The following EEA1 variants were observed in gnomAD, a reference collection of about 807,000 sequenced individuals.
EEA1 encodes early endosome antigen 1.
Under a neutral mutation model 209.2 loss-of-function variants are expected in EEA1, and 111 were observed. That is an observed-to-expected ratio of 0.53 (90% CI 0.45 to 0.62). The LOEUF is 0.62. Ranked by LOEUF, EEA1 falls within the 20% of genes least tolerant of loss-of-function variation. EEA1 has a pLI of 0.00. For synonymous variants in EEA1, 536 were observed against 540.6 expected, an observed-to-expected ratio of 0.99 and a Z score of 0.12; for missense variants, 1,343 against 1,530.8, an observed-to-expected ratio of 0.88 and a Z score of 2.05.
intron 11 of EEA1, among the ~76,000 whole-genome samples, chr12:92,831,963 T>C (rs1386714733): frequency 1.3e-5 from 2 of 150,926 alleles, no homozygotes; most frequent in Non-Finnish European, 1.5e-5. Context: ...GGCGGGCGCC[T>C]GTAGTCCCAG....
At chr12:92,783,043 T>C (rs1208920546) in intron 22 of EEA1, among the ~76,000 whole-genome samples, 1 of 152,226 alleles carries the variant, frequency 6.6e-6, no homozygotes, top group African/African-American at 2.4e-5. Context: ...TCCTTTATAA[T>C]AAATCAGTAA....
intron 1 of EEA1, among the ~76,000 whole-genome samples, chr12:92,894,318 T>C (rs777315473): frequency 3.9e-5 from 6 of 152,148 alleles, no homozygotes; most frequent in Non-Finnish European, 8.8e-5. Context: ...AATAACCCTA[T>C]AATGGCCTCT....
intron 1 of EEA1, among the ~76,000 whole-genome samples, chr12:92,910,975 T>C (rs755634017): frequency 2.0e-4 from 30 of 152,130 alleles, no homozygotes; most frequent in Non-Finnish European, 4.3e-4. Context: ...TCCAGAACAC[T>C]ACCACCATCA....
chr12:92,804,332 G>A (rs1480841315), intron 18 of EEA1, among the ~76,000 whole-genome samples: 1 of 152,104 alleles, frequency 6.6e-6, no homozygotes, highest in African/African-American at 2.4e-5. Context: ...CAGCACTGTG[G>A]GAGGCCAAGG....
In EEA1 at chr12:92,802,449, T is replaced by A; in HGVS notation, c.2625A>T (p.Glu875Asp). 2 of 1,579,892 alleles carry A rather than the reference T, an allele frequency of 1.3e-6. No homozygotes were observed. Among genetic ancestry groups the A allele is most frequent in the Non-Finnish European group, 1.7e-6 (2 of 1,171,662 alleles). The change falls in exon 19 of 29, where the codon GAA becomes GAT. Residue 875 changes from glutamate (E) to aspartate (D), a missense_variant. Glu to Asp is a conservative substitution (Grantham distance 45, BLOSUM62 2). Transcript: ENST00000322349. ...VSDSLKNSKS[E>D]FEKENQKGKA... is the part of the protein sequence containing the mutation. ...TTCCTTTCTGATTCTCCTTTTCAAA[T>A]TCACTTTTAGAGTTTTTCAAAGAAT...
In EEA1 at chr12:92,776,065, G is replaced by A. The variant is rs1565802905; in HGVS notation, c.4182C>T (p.Ser1394=). 1 of 1,611,598 alleles carries A rather than the reference G, an allele frequency of 6.2e-7. No individual in the cohort carries two copies. The change falls in exon 29 of 29, where the codon TCC becomes TCT. Residue 1394 remains serine (S), a synonymous_variant. Transcript: ENST00000322349. ...CACAGACACGAACAGGCTTCTTGGA[G>A]GAAGGAGTTAAGGCATTTTTGGCTG... ...ECSAKNALTP[S]SKKPVRVCDA...
At chr12:92,818,455 C>CTA (rs1001156629) in intron 14 of EEA1, among the ~76,000 whole-genome samples, 2 of 152,192 alleles carry the variant, frequency 1.3e-5, no homozygotes, top group African/African-American at 4.8e-5. Flanking sequence ...TAGGTATTAA[C>CTA]TATCCCAATA....
chr12:92,895,133 A>ATTT (rs537064468), intron 1 of EEA1, among the ~76,000 whole-genome samples: 45 of 95,118 alleles, frequency 4.7e-4, no homozygotes, highest in Non-Finnish European at 6.5e-4. Context: ...GGATCACTGA[A>ATTT]TTTTTTTTTT....
At chr12:92,838,968 C>T (rs576212116) in intron 10 of EEA1, among the ~76,000 whole-genome samples, 109 of 151,896 alleles carry the variant, frequency 7.2e-4, no homozygotes, top group Admixed American at 3.5e-3. Context: ...TATTAATATT[C>T]GGACTTGAGT....
chr12:92,891,642 T>C lies in EEA1; in HGVS notation c.104A>G (p.Glu35Gly). 6.2e-7 allele frequency: 1 copy of C among 1,602,602 alleles called. No homozygotes were observed. The highest frequency in any genetic ancestry group is 8.5e-7 in the Non-Finnish European group (1 of 1,175,884). The change falls in exon 2 of 29, where the codon GAA (glutamate) becomes GGA (glycine). Residue 35 changes from glutamate to glycine, a missense_variant. Glu to Gly is a moderately conservative substitution (Grantham distance 98, BLOSUM62 -2). This residue lies in a region of EEA1 where 1,307 missense variants were observed against 1,465.5 expected (regional missense o/e 0.89). Coordinates refer to ENST00000322349, the MANE Select transcript of EEA1 (RefSeq NM_003566.4). ...TPINTVDVNNESSSEGFICPQ... is the reference protein window; with the variant it reads ...TPINTVDVNNGSSSEGFICPQ... ...TTATTTTCATACCTCTGAAGAGCTT[T>C]CATTATTGACGTCCACTGTGTTTAT... is the stretch of plus-strand genomic sequence containing the variant.
At chr12:92,878,129 A>G (rs891987110) in intron 2 of EEA1, among the ~76,000 whole-genome samples, 1 of 152,166 alleles carries the variant, frequency 6.6e-6, no homozygotes, top group Admixed American at 6.5e-5. Context: ...GACCAGGCAC[A>G]GTGGCTCACA....
At chr12:92,861,164 T>C (rs1431154938) in intron 3 of EEA1, among the ~76,000 whole-genome samples, 3 of 152,140 alleles carry the variant, frequency 2.0e-5, no homozygotes, top group Non-Finnish European at 4.4e-5. Context: ...TTATAAAGAA[T>C]TATTATTCTG....
At chr12:92,796,150 T>C (rs940058209) in intron 21 of EEA1, among the ~76,000 whole-genome samples, 3 of 152,154 alleles carry the variant, frequency 2.0e-5, no homozygotes, top group Non-Finnish European at 4.4e-5. Flanking sequence ...AGTTTTCTTT[T>C]GCTTTACATT....
intron 13 of EEA1, among the ~76,000 whole-genome samples, chr12:92,820,540 T>G (rs1385879497): frequency 2.0e-5 from 3 of 151,972 alleles, no homozygotes; most frequent in Non-Finnish European, 2.9e-5. Flanking sequence ...GGCCTAAGCT[T>G]CTTTCCATAA....
At chr12:92,828,176 C>T (rs190652807) in intron 11 of EEA1, 115 bp from the exon 12 acceptor site, 14,481 of 823,010 alleles carry the variant, frequency 0.018, 168 homozygotes, top group Non-Finnish European at 0.021. Context: ...TCTTAATTTT[C>T]GTGATACTTT....
chr12:92,901,130 GTTTCC>G (rs1880124307), intron 1 of EEA1, among the ~76,000 whole-genome samples: 1 of 152,192 alleles, frequency 6.6e-6, no homozygotes, highest in Non-Finnish European at 1.5e-5. Context: ...CCTCATTTCT[GTTTCC>G]TTTATTTTTC....
intron 1 of EEA1, among the ~76,000 whole-genome samples, chr12:92,926,010 T>G (rs921208413): frequency 6.6e-6 from 1 of 151,832 alleles, no homozygotes; most frequent in African/African-American, 2.4e-5. Flanking sequence ...TTTTTTTTTT[T>G]TAGACGGAGT....
rs552406171 is a variant in EEA1, at chr12:92,810,655, AT to A, written c.2199+623del. Among the ~76,000 whole-genome samples the A allele has an allele frequency of 2.1e-3, 306 of 146,390 alleles. 1 individual carries two copies. Among genetic ancestry groups the A allele is most frequent in the East Asian group, 7.5e-3 (38 of 5,074 alleles). On this transcript the variant is annotated intron_variant, in intron 17 of 28. Coordinates refer to ENST00000322349, the MANE Select transcript of EEA1 (RefSeq NM_003566.4). ...ACTGATAGTAGCTCAATTTTTAAAA[AT>A]TTTTTTTTTTTTTATTTTTAGCCAA...
intron 3 of EEA1, 99 bp downstream of exon 3, chr12:92,864,761 C>CA: frequency 1.7e-6 from 2 of 1,166,910 alleles, no homozygotes; most frequent in Non-Finnish European, 2.3e-6. Context: ...TTAAATAATA[C>CA]AAAAAGGTTA....
Sources: gnomAD v4.1 joint callset for allele counts (sites outside exome capture counted in the v4.1 genomes callset) on GRCh38, gnomAD v4.1.1 for gene constraint, gnomAD v4.1.1 regional missense constraint, MANE v1.5 for transcripts, NCBI Gene and HGNC (gene_info 2026-07-23, HGNC 2026-07-21) for gene names.